Variants in EPN1 observed in about 807,000 individuals in gnomAD.
EPN1 encodes epsin-1.
EPN1 carries 25 observed loss-of-function variants against 56.9 expected under a neutral mutation model. The observed-to-expected ratio is 0.44, with a 90% confidence interval of 0.32 to 0.61. The LOEUF is 0.61. EPN1 is among the 20% of genes least tolerant of loss of function. EPN1 has a pLI of 0.05. For synonymous variants in EPN1, 411 were observed against 361.8 expected (o/e 1.14, Z -1.54); for missense variants, 785 against 823.7 (o/e 0.95, Z 0.58).
At chr19:55,675,662 G>A (rs747648012) in intron 1 of EPN1, among the ~76,000 whole-genome samples, 2 of 152,168 alleles carry the variant, frequency 1.3e-5, no homozygotes, top group Non-Finnish European at 2.9e-5. Flanking sequence ...CTCTGCCTGT[G>A]CCTGTTTCAG....
intron 3 of EPN1, 39 bp from the exon 4 acceptor site, chr19:55,688,831 C>G (rs370822024): frequency 4.5e-6 from 7 of 1,561,686 alleles, no homozygotes; most frequent in Non-Finnish European, 6.1e-6. Context: ...TCTCTCGTTC[C>G]CTGGTCTGGG....
chr19:55,677,225 G>C (rs933978950), intron 1 of EPN1: 27 of 1,452,486 alleles, frequency 1.9e-5, no homozygotes, highest in Non-Finnish European at 2.5e-5. Flanking sequence ...TAAGGTGTGT[G>C]TCCCTGGGCA....
At position 55,684,792 on chromosome 19, in the gene EPN1, C is replaced by G. The variant is rs565692860; in HGVS notation, c.229-604C>G. Among the ~76,000 whole-genome samples, 7 of 152,310 alleles carry G rather than the reference C, an allele frequency of 4.6e-5. No individual in the cohort carries two copies. The South Asian group carries it at 1.0e-3, about 23-fold the overall frequency. ...TAATGTGGTTTTCTTGGCCATGTTA[C>G]TTTAGATTTTAGTTGTAAAGAAATA... On this transcript the variant is annotated intron_variant, in intron 2 of 10. Transcript: ENST00000270460.
At chr19:55,680,513 G>T (rs1025872165) in intron 2 of EPN1, among the ~76,000 whole-genome samples, 1 of 152,218 alleles carries the variant, frequency 6.6e-6, no homozygotes, top group African/African-American at 2.4e-5. Flanking sequence ...CTGGGGTGGG[G>T]TTCAGCCTCA....
chr19:55,690,446 C>T (rs897527416), intron 6 of EPN1, among the ~76,000 whole-genome samples: 14 of 152,252 alleles, frequency 9.2e-5, no homozygotes, highest in African/African-American at 3.1e-4. Context: ...AGCAAACCCT[C>T]CCACAACCTT....
chr19:55,698,558 C>CCCTCGCCCTATCCTCGCT lies in EPN1; in HGVS notation c.*3213_*3230dup, dbSNP rs908913244. 5 of 152,628 alleles carry CCCTCGCCCTATCCTCGCT rather than the reference C, an allele frequency of 3.3e-5. No individual in the cohort carries two copies. The highest frequency in any genetic ancestry group is 7.2e-5 in the African/African-American group (3 of 41,456). 9.5% of individuals were successfully genotyped at this position (152,628 alleles called of 1,614,324 possible). ...AGCCTTACCCCTCGCTCTACTCCCG[C>CCCTCGCCCTATCCTCGCT]CCTCGCCCTATCCTCGCTCCTCGCC... is the stretch of plus-strand genomic sequence containing the variant. On this transcript the variant is annotated 3_prime_UTR_variant, in exon 11 of 11. Coordinates refer to ENST00000270460, the MANE Select transcript of EPN1 (RefSeq NM_001130072.2).
At chr19:55,678,900 T>C (rs754855733) in intron 2 of EPN1, 45 bp downstream of exon 2, 1 of 1,434,154 alleles carries the variant, frequency 7.0e-7, no homozygotes. Context: ...GGGGCTCAGG[T>C]GGGAGGACAG....
At position 55,695,180 on chromosome 19, in the gene EPN1, C is replaced by G; in HGVS notation, c.1555C>G (p.Pro519Ala). The G allele has an allele frequency of 6.2e-7, 1 of 1,613,798 alleles. No homozygotes were observed. Among genetic ancestry groups the G allele is most frequent in the Admixed American group, 1.7e-5 (1 of 60,026 alleles). The change falls in exon 11 of 11, where the codon CCC becomes GCC. Residue 519 changes from proline (P) to alanine (A), a missense_variant. Physicochemically the swap from Pro to Ala is conservative, Grantham distance 27 (BLOSUM62 -1). Transcript: ENST00000270460. The surrounding 1 kb of genome is among the most constrained non-coding windows in gnomAD (Gnocchi z 4.4). ...AGCCACTGGCCCTTCCGTCACCAACCCCTTCCAGCCCGCGCCTCCCGCGAC... is the reference window on the plus strand; with the variant it reads ...AGCCACTGGCCCTTCCGTCACCAACGCCTTCCAGCCCGCGCCTCCCGCGAC... ...GPATGPSVTN[P>A]FQPAPPATLT...
Position 55,700,965 on chromosome 19 carries a change from C to A in EPN1, c.*5609C>A, listed in dbSNP as rs566871338. ...CAGGGGAGGCAAGCTTAGGGCATCA[C>A]GTCCAGGAGTGGCCAGGTCCCGATG... On this transcript the variant is annotated 3_prime_UTR_variant, in exon 11 of 11. Transcript: ENST00000270460. 1 of 152,240 alleles carries A rather than the reference C, an allele frequency of 6.6e-6. No individual in the cohort carries two copies. The highest frequency in any genetic ancestry group is 2.4e-5 in the African/African-American group (1 of 41,438). The allele number at this position is 152,240 out of a possible 1,614,324, so 9.4% of individuals were successfully genotyped here. A position where few individuals can be genotyped will look rare whatever the true frequency, so the allele number is the denominator to read the frequency against.
Position 55,700,421 on chromosome 19 carries a change from A to AT in EPN1, c.*5065_*5066insT, listed in dbSNP as rs2122236006. On this transcript the variant is annotated 3_prime_UTR_variant, in exon 11 of 11. Coordinates refer to ENST00000270460, the MANE Select transcript of EPN1 (RefSeq NM_001130072.2). ...TGGGACTACAGGTGCGTGCGACCAC[A>AT]GCCAACTCATTTTTCTGTTTTTAGC... is the stretch of plus-strand genomic sequence containing the variant. The AT allele has an allele frequency of 3.3e-5, 5 of 150,050 alleles. No homozygotes were observed. The highest frequency in any genetic ancestry group is 1.3e-4 in the African/African-American group (5 of 39,502). The allele number at this position is 150,050 out of a possible 1,614,324, so 9.3% of individuals were successfully genotyped here.
chr19:55,705,063 G>A lies in EPN1; in HGVS notation c.*9707G>A, dbSNP rs1447165674. On this transcript the variant is annotated 3_prime_UTR_variant, in exon 11 of 11. Transcript: ENST00000270460. ...CAGACTCGCAGTTCTGCCACACAGT[G>A]AATGTGCTACTCAAGCCACTCAGCC... 1 of 152,260 alleles carries A rather than the reference G, an allele frequency of 6.6e-6. No individual in the cohort carries two copies. Among genetic ancestry groups the A allele is most frequent in the African/African-American group, 2.4e-5 (1 of 41,450 alleles). The allele number at this position is 152,260 out of a possible 1,614,324, so 9.4% of individuals were successfully genotyped here. A position where few individuals can be genotyped will look rare whatever the true frequency, so the allele number is the denominator to read the frequency against.
At chr19:55,693,275 C>T (rs1379984518) in intron 9 of EPN1, 7 of 519,732 alleles carry the variant, frequency 1.3e-5, no homozygotes, top group Non-Finnish European at 2.4e-5. Context: ...CAAGGTTTCC[C>T]ACCCGAATGT....
rs1987204307 is a variant in EPN1, at chr19:55,702,790, TC to T, written c.*7435del. The T allele has an allele frequency of 7.5e-6, 1 of 132,648 alleles. No individual in the cohort carries two copies. Among genetic ancestry groups the T allele is most frequent in the African/African-American group, 3.4e-5 (1 of 29,830 alleles). The allele number at this position is 132,648 out of a possible 1,614,324, so 8.2% of individuals were successfully genotyped here. On this transcript the variant is annotated 3_prime_UTR_variant, in exon 11 of 11. Coordinates refer to ENST00000270460, the MANE Select transcript of EPN1 (RefSeq NM_001130072.2). The stretch of plus-strand genomic sequence containing the variant: ...CTAAGCCGCATTTACTCCTTTCTTT[TC>T]TTTCACTGTTGTTTTTTTTTTGAGA...
rs534114629 is a variant in EPN1 at position 55,693,204 on chromosome 19, A to G, written c.1264+167A>G. 7.2e-6 allele frequency: 4 copies of G among 554,646 alleles called. No homozygotes were observed. The South Asian group carries it at 1.1e-4, about 15-fold the overall frequency. The allele number at this position is 554,646 out of a possible 1,614,324, so 34.4% of individuals were successfully genotyped here. On this transcript the variant is annotated intron_variant, in intron 9 of 10. Transcript: ENST00000270460. Reference sequence around the variant, plus strand: ...CCAGAACCATCCACCTGTCTTTAAAAGAAGTGTGCATCTTTATTTTAGAGA... The same window carrying G: ...CCAGAACCATCCACCTGTCTTTAAAGGAAGTGTGCATCTTTATTTTAGAGA...
chr19:55,687,863 C>T (rs763513473), intron 3 of EPN1, among the ~76,000 whole-genome samples: 27 of 152,196 alleles, frequency 1.8e-4, no homozygotes, highest in Non-Finnish European at 3.5e-4. Flanking sequence ...AGCCTGGGGG[C>T]CCCTGGACCC....
In EPN1 at chr19:55,705,898, AGT is replaced by A. The variant is rs1214792932; in HGVS notation, c.*10548_*10549del. ...TGCTCTATCACTAAAGCTGCATTGC[AGT>A]GTGTGATCATAGCTCACCATGGGAT... On this transcript the variant is annotated 3_prime_UTR_variant, in exon 11 of 11. Coordinates refer to ENST00000270460, the MANE Select transcript of EPN1 (RefSeq NM_001130072.2). 2 of 151,318 alleles carry A rather than the reference AGT, an allele frequency of 1.3e-5. No homozygotes were observed. The highest frequency in any genetic ancestry group is 4.9e-5 in the African/African-American group (2 of 40,712). 9.4% of individuals were successfully genotyped at this position (151,318 alleles called of 1,614,324 possible). A position where few individuals can be genotyped will look rare whatever the true frequency, so the allele number is the denominator to read the frequency against.
chr19:55,702,740 T>A lies in EPN1; in HGVS notation c.*7384T>A, dbSNP rs369455188. ...AATTGGGTATTGATTTCAGGTAGAA[T>A]GGGTGAATGCATTTATTCGTTCATC... is the stretch of plus-strand genomic sequence containing the variant. On this transcript the variant is annotated 3_prime_UTR_variant, in exon 11 of 11. Transcript: ENST00000270460. 1.3e-5 allele frequency: 2 copies of A among 152,220 alleles called. No homozygotes were observed. Among genetic ancestry groups the A allele is most frequent in the Admixed American group, 1.3e-4 (2 of 15,270 alleles). The allele number at this position is 152,220 out of a possible 1,614,324, so 9.4% of individuals were successfully genotyped here. A position where few individuals can be genotyped will look rare whatever the true frequency, so the allele number is the denominator to read the frequency against.
chr19:55,689,319 A>G lies in EPN1; in HGVS notation c.626A>G (p.Asp209Gly). ...ADQPPSCGPE[D>G]DAQLQLALSL... ...CAGCCCCCGTCCTGCGGCCCCGAGG[A>G]CGACGCCCAGCTCCAGCTGGCCCTT... Residue 209 changes from aspartate to glycine, a missense_variant, in exon 5 of 11, where the codon GAC (aspartate) becomes GGC (glycine). By Grantham distance (94) the Asp-to-Gly change is moderately conservative. Coordinates refer to ENST00000270460, the MANE Select transcript of EPN1 (RefSeq NM_001130072.2). This position sits in a 1 kb window ranked among gnomAD's most constrained non-coding sequence, Gnocchi z 5.7. The G allele has an allele frequency of 6.5e-7, 1 of 1,550,138 alleles. No homozygotes were observed. The highest frequency in any genetic ancestry group is 8.7e-7 in the Non-Finnish European group (1 of 1,146,666).
chr19:55,690,880 A>G lies in EPN1; in HGVS notation c.763-874A>G, dbSNP rs770483474. On this transcript the variant is annotated intron_variant, in intron 6 of 10. Transcript: ENST00000270460. ...GGTTGGCCTCGGCCAGGGGGTCTCTATCAGTGTCCACCACAGCCCAGTGAC... is the reference window on the plus strand; with the variant it reads ...GGTTGGCCTCGGCCAGGGGGTCTCTGTCAGTGTCCACCACAGCCCAGTGAC... 7.5e-4 allele frequency among the ~76,000 whole-genome samples: 114 copies of G among 152,212 alleles called. 2 individuals carry two copies. The Middle Eastern group carries it at 0.024, about 32-fold the overall frequency.
Sources: gnomAD v4.1 joint callset for allele counts (sites outside exome capture counted in the v4.1 genomes callset) on GRCh38, gnomAD v4.1.1 for gene constraint, Gnocchi (gnomAD v3.1) non-coding constraint, MANE v1.5 for transcripts, NCBI Gene and HGNC (gene_info 2026-07-23, HGNC 2026-07-21) for gene names.